ECE1: variants seen among roughly 807,000 people sequenced by gnomAD.
ECE1 encodes endothelin converting enzyme 1.
A neutral mutation model predicts 98.6 loss-of-function variants in ECE1; 35 were observed. That is an observed-to-expected ratio of 0.35 (90% CI 0.27 to 0.47). The LOEUF is 0.47. Ranked by LOEUF, ECE1 falls within the 20% of genes least tolerant of loss-of-function variation. The pLI is 1.00. For missense variants in ECE1, 814 were observed against 1,025.3 expected (o/e 0.79, Z 2.81); for synonymous variants, 394 against 407.1 (o/e 0.97, Z 0.39).
intron 2 of ECE1, chr1:21,279,673 C>T: frequency 7.1e-7 from 1 of 1,404,532 alleles, no homozygotes; most frequent in Non-Finnish European, 9.2e-7. Context: ...TTTGGACTTG[C>T]AGGCATCCAG....
chr1:21,274,108 C>T (rs1302175642), intron 3 of ECE1, among the ~76,000 whole-genome samples: 1 of 152,258 alleles, frequency 6.6e-6, no homozygotes, highest in Non-Finnish European at 1.5e-5. Flanking sequence ...TCTCATTTAA[C>T]TCATTACAAG....
intron 1 of ECE1, among the ~76,000 whole-genome samples, chr1:21,341,143 A>G (rs1639390810): frequency 6.6e-6 from 1 of 151,698 alleles, no homozygotes; most frequent in African/African-American, 2.4e-5. Flanking sequence ...TTCCCGGTCC[A>G]ATCCCACAGC....
Position 21,235,784 on chromosome 1 carries a change from C to T in ECE1, c.1566+66G>A, listed in dbSNP as rs972176107. The T allele has an allele frequency of 1.1e-5, 17 of 1,536,730 alleles. No individual in the cohort carries two copies. In the African/African-American group the frequency reaches 1.8e-4, roughly 16 times the overall value. On this transcript the variant is annotated intron_variant, in intron 13 of 18. Transcript: ENST00000374893. The surrounding 1 kb of genome is among the most constrained non-coding windows in gnomAD (Gnocchi z 4.2). ...CCTCTAGCACCCCATCTGGACCCAG[C>T]CCTGCCTCGGCCCTTTTCTAAGGGG...
intron 4 of ECE1, among the ~76,000 whole-genome samples, chr1:21,265,348 C>T (rs1273381064): frequency 6.6e-6 from 1 of 152,058 alleles, no homozygotes; most frequent in Non-Finnish European, 1.5e-5. Flanking sequence ...CCTGGCCAAC[C>T]TGGTGAAACC....
At chr1:21,328,678 G>T (rs545061191) in intron 1 of ECE1, among the ~76,000 whole-genome samples, 15 of 149,478 alleles carry the variant, frequency 1.0e-4, no homozygotes, top group Non-Finnish European at 2.2e-4. Flanking sequence ...CAGAAGAATC[G>T]CTTGAACCTG....
intron 10 of ECE1, among the ~76,000 whole-genome samples, chr1:21,242,242 A>G (rs2098197407): frequency 6.6e-6 from 1 of 152,148 alleles, no homozygotes; most frequent in African/African-American, 2.4e-5. Context: ...TGATTAGAAG[A>G]AACAATTCAA....
intron 1 of ECE1, among the ~76,000 whole-genome samples, chr1:21,331,294 C>T (rs1639195562): frequency 6.6e-6 from 1 of 152,116 alleles, no homozygotes; most frequent in Non-Finnish European, 1.5e-5. Flanking sequence ...GTCCCAGCTA[C>T]TCAGGAGGCT....
rs906079733 is a variant in ECE1 at position 21,273,344 on chromosome 1, T to C, written c.281-433A>G. 1.0e-4 allele frequency among the ~76,000 whole-genome samples: 9 copies of C among 89,724 alleles called. No individual in the cohort carries two copies. In the South Asian group the frequency reaches 1.1e-3, roughly 11 times the overall value. 58.9% of individuals were successfully genotyped at this position (89,724 alleles called of 152,430 possible). On this transcript the variant is annotated intron_variant, in intron 3 of 18. Coordinates refer to ENST00000374893, the MANE Select transcript of ECE1 (RefSeq NM_001397.3). ...GTGAAAGTGTGTGCCCGTGCGTGTG[T>C]GCGTGTGTGTGTGTGTGTGTGTGTG...
intron 1 of ECE1, among the ~76,000 whole-genome samples, chr1:21,314,643 A>G (rs1454554258): frequency 6.6e-6 from 1 of 152,160 alleles, no homozygotes; most frequent in East Asian, 1.9e-4. Context: ...TTTGTCATCT[A>G]AATCCAACCT....
At chr1:21,306,250 T>C (rs1468088691) in intron 1 of ECE1, among the ~76,000 whole-genome samples, 1 of 152,142 alleles carries the variant, frequency 6.6e-6, no homozygotes, top group African/African-American at 2.4e-5. Context: ...ACAATGTTAC[T>C]AAGAGTCGCA....
intron 1 of ECE1, among the ~76,000 whole-genome samples, chr1:21,339,219 G>A (rs913414422): frequency 6.6e-5 from 10 of 152,174 alleles, no homozygotes; most frequent in East Asian, 1.9e-4. Context: ...AAGAACAGTC[G>A]GTGAATGGGG....
At chr1:21,301,945 G>T (rs904602198) in intron 1 of ECE1, among the ~76,000 whole-genome samples, 2 of 151,148 alleles carry the variant, frequency 1.3e-5, no homozygotes, top group African/African-American at 4.9e-5. Context: ...CCATTTGACA[G>T]ATGAGGAGAC....
intron 3 of ECE1, among the ~76,000 whole-genome samples, chr1:21,275,203 TGA>T (rs920337660): frequency 6.6e-6 from 1 of 152,144 alleles, no homozygotes; most frequent in African/African-American, 2.4e-5. Context: ...TGTCTGTGTG[TGA>T]GAGAGAGACA....
intron 10 of ECE1, among the ~76,000 whole-genome samples, chr1:21,242,060 AT>A (rs1173189550): frequency 1.3e-5 from 2 of 152,130 alleles, no homozygotes; most frequent in East Asian, 3.9e-4. Context: ...CAAATGGGTG[AT>A]AGCTGATGAG....
intron 4 of ECE1, among the ~76,000 whole-genome samples, chr1:21,268,850 C>CT (rs1405757828): frequency 6.6e-6 from 1 of 152,248 alleles, no homozygotes; most frequent in African/African-American, 2.4e-5. Context: ...CCATCTGCCT[C>CT]TTCAGGAGTT....
At chr1:21,289,930 G>T (rs1040289621) in intron 2 of ECE1, 140 bp downstream of exon 2, 2 of 1,096,188 alleles carry the variant, frequency 1.8e-6, no homozygotes, top group African/African-American at 3.3e-5. Flanking sequence ...GGGGAGGCGC[G>T]GCCCCTCCCG....
chr1:21,223,165 C>A (rs941155822), intron 17 of ECE1, among the ~76,000 whole-genome samples: 1 of 152,022 alleles, frequency 6.6e-6, no homozygotes, highest in East Asian at 1.9e-4. Flanking sequence ...TTGGTAGAGA[C>A]GGGGTTTCAC....
intron 1 of ECE1, among the ~76,000 whole-genome samples, chr1:21,339,272 T>C (rs562779225): frequency 5.3e-5 from 8 of 152,144 alleles, no homozygotes; most frequent in Non-Finnish European, 7.4e-5. Context: ...AGGTGAACAA[T>C]AAATAACCAG....
rs1639315652 is a variant in ECE1, at chr1:21,336,955, T to G, written c.3+8421A>C. On this transcript the variant is annotated intron_variant, in intron 1 of 18. Transcript: ENST00000415912. ...CTGAGACAGGGGCAGGAGAATCGCTTGAACCCAGGAGACAGAGCTTGCAGT... is the reference window on the plus strand; with the variant it reads ...CTGAGACAGGGGCAGGAGAATCGCTGGAACCCAGGAGACAGAGCTTGCAGT... Among the ~76,000 whole-genome samples the G allele has an allele frequency of 3.3e-5, 5 of 152,210 alleles. No individual in the cohort carries two copies. In the South Asian group the frequency reaches 1.0e-3, roughly 32 times the overall value.
Sources: gnomAD v4.1 joint callset for allele counts (sites outside exome capture counted in the v4.1 genomes callset) on GRCh38, gnomAD v4.1.1 for gene constraint, Gnocchi (gnomAD v3.1) non-coding constraint, MANE v1.5 for transcripts, NCBI Gene and HGNC (gene_info 2026-07-23, HGNC 2026-07-21) for gene names.